The following PIWIL2 variants were observed in gnomAD, a reference collection of about 807,000 sequenced individuals.
The protein encoded by PIWIL2 is piwi like RNA-mediated gene silencing 2.
PIWIL2 carries 81 observed loss-of-function variants against 116.5 expected under a neutral mutation model. That is an observed-to-expected ratio of 0.70 (90% CI 0.58 to 0.84). The LOEUF (loss-of-function observed/expected upper bound fraction) is 0.84, where lower values mean the gene tolerates loss of function less well. Among genes scored for constraint, PIWIL2 ranks in the 40% least tolerant of loss-of-function variants. The pLI is 0.00. For missense variants in PIWIL2, 1,272 were observed against 1,212.3 expected, an observed-to-expected ratio of 1.05 and a Z score of -0.73; for synonymous variants, 489 against 429.5, an observed-to-expected ratio of 1.14 and a Z score of -1.71.
At chr8:22,290,583 G>A (rs184386767) in intron 10 of PIWIL2, among the ~76,000 whole-genome samples, 5 of 151,644 alleles carry the variant, frequency 3.3e-5, no homozygotes, top group East Asian at 1.9e-4. Context: ...CCAGGACTAC[G>A]GGTGTGCTAC....
chr8:22,279,670 G>A, intron 2 of PIWIL2, 86 bp downstream of exon 2: 2 of 1,312,764 alleles, frequency 1.5e-6, no homozygotes, highest in Admixed American at 3.5e-5. Context: ...AGTGCTTGCA[G>A]GGCTGGGCAC....
At chr8:22,281,568 G>GT (rs1830503531) in intron 4 of PIWIL2, 53 bp downstream of exon 4, 1 of 1,438,992 alleles carries the variant, frequency 6.9e-7, no homozygotes, top group African/African-American at 1.5e-5. Context: ...GAATATCTCT[G>GT]TAAGTTCAGA....
At chr8:22,347,169 CA>C (rs757849935) in intron 20 of PIWIL2, among the ~76,000 whole-genome samples, 7,557 of 75,130 alleles carry the variant, frequency 0.1, 231 homozygotes, top group Admixed American at 0.16. Flanking sequence ...GACGTTGTCT[CA>C]AAAAAAAAAA....
chr8:22,320,109 TG>T (rs1277079743), intron 20 of PIWIL2, among the ~76,000 whole-genome samples: 4 of 152,000 alleles, frequency 2.6e-5, no homozygotes, highest in Non-Finnish European at 5.9e-5. Flanking sequence ...ATTATAGGCA[TG>T]TGACACCACA....
intron 10 of PIWIL2, among the ~76,000 whole-genome samples, chr8:22,293,686 G>A (rs1830818769): frequency 6.6e-6 from 1 of 152,154 alleles, no homozygotes. Context: ...TATCATGGTT[G>A]TCTCTGTACT....
In PIWIL2 at chr8:22,311,228, G is replaced by A. The variant is rs143801761; in HGVS notation, c.1917G>A (p.Pro639=). 41 of 1,614,004 alleles carry A rather than the reference G, an allele frequency of 2.5e-5. No individual in the cohort carries two copies. In the African/African-American group the frequency reaches 2.7e-4, roughly 11 times the overall value. ...AGPIGMRMSP[P]AWVELKDDRI... ...CCATTGGCATGCGTATGAGCCCACC[G>A]GCCTGGGTTGAACTAAAGGATGACC... is the stretch of plus-strand genomic sequence containing the variant. Residue 639 remains proline (P), a synonymous_variant, in exon 16 of 23, where the codon CCG becomes CCA. Coordinates refer to ENST00000356766, the MANE Select transcript of PIWIL2 (RefSeq NM_018068.5).
Position 22,313,675 on chromosome 8 carries a change from A to G in PIWIL2, c.1990-653A>G, listed in dbSNP as rs1037249331. 2.0e-5 allele frequency among the ~76,000 whole-genome samples: 3 copies of G among 152,164 alleles called. No individual in the cohort carries two copies. In the South Asian group the frequency reaches 6.2e-4, roughly 32 times the overall value. Reference sequence around the variant, plus strand: ...CAGTTTCTGGCTTAAAGGGTTGGCAACCTTCTTTCACTTGAGTGCTGCTTT... The same window carrying G: ...CAGTTTCTGGCTTAAAGGGTTGGCAGCCTTCTTTCACTTGAGTGCTGCTTT... On this transcript the variant is annotated intron_variant, in intron 16 of 22. Coordinates refer to ENST00000356766, the MANE Select transcript of PIWIL2 (RefSeq NM_018068.5).
rs371576667 is a variant in PIWIL2 at position 22,322,076 on chromosome 8, T to C, written c.2403+3801T>C. 1.3e-5 allele frequency: 8 copies of C among 620,490 alleles called. No homozygotes were observed. The East Asian group carries it at 9.7e-4, about 76-fold the overall frequency. The allele number at this position is 620,490 out of a possible 1,614,324, so 38.4% of individuals were successfully genotyped here. On this transcript the variant is annotated intron_variant, in intron 20 of 22. Coordinates refer to ENST00000356766, the MANE Select transcript of PIWIL2 (RefSeq NM_018068.5). ...TTGGAATAAAAGTTGCAAAATAGGT[T>C]AGAGGATAGAGTTCCCATACATCCT...
intron 14 of PIWIL2, among the ~76,000 whole-genome samples, chr8:22,309,134 G>A (rs1003558648): frequency 6.6e-6 from 1 of 151,762 alleles, no homozygotes; most frequent in African/African-American, 2.4e-5. Context: ...GCTAATTTTT[G>A]TATTTTTAGT....
chr8:22,286,652 C>T (rs902720994), intron 6 of PIWIL2, among the ~76,000 whole-genome samples: 5 of 152,100 alleles, frequency 3.3e-5, no homozygotes, highest in African/African-American at 1.2e-4. Flanking sequence ...GACAGAGTCT[C>T]ACTCTGTTGC....
chr8:22,279,380 C>T lies in PIWIL2; in HGVS notation c.-7C>T. The stretch of plus-strand genomic sequence containing the variant: ...CAGGATCGACACGTGTTCTCTACAG[C>T]CCGTCCATGGATCCTTTCCGACCAT... On this transcript the variant is annotated 5_prime_UTR_variant, in exon 2 of 23. Coordinates refer to ENST00000356766, the MANE Select transcript of PIWIL2 (RefSeq NM_018068.5). 1 of 1,612,398 alleles carries T rather than the reference C, an allele frequency of 6.2e-7. No homozygotes were observed. Among genetic ancestry groups the T allele is most frequent in the Admixed American group, 1.7e-5 (1 of 60,016 alleles).
At chr8:22,321,107 C>A (rs1230850521) in intron 20 of PIWIL2, among the ~76,000 whole-genome samples, 1 of 152,058 alleles carries the variant, frequency 6.6e-6, no homozygotes, top group East Asian at 1.9e-4. Context: ...TTCTGTAGAA[C>A]CAGATCAAAG....
chr8:22,329,151 C>A (rs913458049), intron 20 of PIWIL2, among the ~76,000 whole-genome samples: 14 of 152,120 alleles, frequency 9.2e-5, no homozygotes, highest in African/African-American at 3.4e-4. Flanking sequence ...TCCTAATTTG[C>A]TGAGTATTTT....
At chr8:22,339,516 A>AG (rs397742814) in intron 20 of PIWIL2, among the ~76,000 whole-genome samples, 3 of 152,016 alleles carry the variant, frequency 2.0e-5, no homozygotes, top group African/African-American at 7.3e-5. Context: ...CAAAAAAAAA[A>AG]CTATGCAACT....
intron 10 of PIWIL2, among the ~76,000 whole-genome samples, chr8:22,292,913 A>G (rs1033702463): frequency 6.6e-6 from 1 of 152,204 alleles, no homozygotes; most frequent in Admixed American, 6.5e-5. Flanking sequence ...GAACTTCAGC[A>G]TGAGTAACTC....
chr8:22,320,194 C>T (rs1019046520), intron 20 of PIWIL2, among the ~76,000 whole-genome samples: 4 of 151,504 alleles, frequency 2.6e-5, no homozygotes, highest in African/African-American at 9.7e-5. Flanking sequence ...AACTCCTGAC[C>T]TCATGATCCA....
chr8:22,284,361 A>C, intron 6 of PIWIL2, 89 bp downstream of exon 6: 2 of 640,060 alleles, frequency 3.1e-6, no homozygotes, highest in South Asian at 2.2e-5. Context: ...TGTCCTGGAC[A>C]GTTCCTGGTG....
intron 10 of PIWIL2, among the ~76,000 whole-genome samples, chr8:22,300,307 G>C (rs963137654): frequency 1.3e-5 from 2 of 152,046 alleles, no homozygotes; most frequent in Non-Finnish European, 2.9e-5. Flanking sequence ...TTCACTTAGC[G>C]TTATTTTGAA....
intron 17 of PIWIL2, 90 bp downstream of exon 17, chr8:22,314,519 A>C (rs2132050072): frequency 1.8e-6 from 1 of 564,908 alleles, no homozygotes; most frequent in East Asian, 3.1e-5. Flanking sequence ...CAAAGACTAA[A>C]GTAGCTGTTA....
Sources: allele counts gnomAD v4.1 joint callset (sites outside exome capture counted in the v4.1 genomes callset), GRCh38; gene constraint gnomAD v4.1.1; transcripts MANE v1.5; gene names NCBI Gene and HGNC (gene_info 2026-07-23, HGNC 2026-07-21).